Variants in DHRS3 observed in about 807,000 individuals in gnomAD.
DHRS3 encodes short-chain dehydrogenase/reductase 3.
DHRS3 carries 14 observed loss-of-function variants against 27.2 expected under a neutral mutation model. That is an observed-to-expected ratio of 0.52 (90% CI 0.34 to 0.81). The LOEUF (loss-of-function observed/expected upper bound fraction) is 0.81, where lower values mean the gene tolerates loss of function less well. DHRS3 is among the 30% of genes least tolerant of loss of function. DHRS3 has a pLI of 0.01. For missense variants in DHRS3, 322 were observed against 406.2 expected (o/e 0.79, Z 1.78); for synonymous variants, 165 against 175.9 (o/e 0.94, Z 0.49).
chr1:12,595,303 T>A (rs1646784171), intron 1 of DHRS3, among the ~76,000 whole-genome samples: 1 of 151,936 alleles, frequency 6.6e-6, no homozygotes, highest in African/African-American at 2.4e-5. Flanking sequence ...CTGGCTCACA[T>A]GATGGCGTGA....
intron 1 of DHRS3, among the ~76,000 whole-genome samples, chr1:12,596,673 T>C (rs541177472): frequency 2.0e-5 from 3 of 152,150 alleles, no homozygotes; most frequent in Non-Finnish European, 4.4e-5. Flanking sequence ...TGGAGTTGAT[T>C]TGCTGTGTGA....
chr1:12,575,148 G>A (rs1250294255), intron 4 of DHRS3, among the ~76,000 whole-genome samples: 9 of 152,012 alleles, frequency 5.9e-5, no homozygotes, highest in Non-Finnish European at 8.8e-5. Context: ...GCAACACGGC[G>A]AAACACTGTC....
Position 12,591,137 on chromosome 1 carries a change from T to G in DHRS3, c.196-10471A>C, listed in dbSNP as rs1379631279. Among the ~76,000 whole-genome samples the G allele has an allele frequency of 6.6e-6, 1 of 152,232 alleles. No homozygotes were observed. The highest frequency in any genetic ancestry group is 6.5e-5 in the Admixed American group (1 of 15,290). ...CTTCCATCAGCAAGGGGGATCTATA[T>G]CTGTTGCTGTACTAATAAAAATAGT... On this transcript the variant is annotated intron_variant, in intron 1 of 5. Coordinates refer to ENST00000616661, the MANE Select transcript of DHRS3 (RefSeq NM_004753.7). The surrounding 1 kb of genome is among the most constrained non-coding windows in gnomAD (Gnocchi z 4.1).
chr1:12,587,508 T>C (rs1410355681), intron 1 of DHRS3, among the ~76,000 whole-genome samples: 1 of 152,116 alleles, frequency 6.6e-6, no homozygotes, highest in Admixed American at 6.5e-5. Context: ...CGTTTGCTTC[T>C]TTATATTTGT....
At chr1:12,598,208 T>C (rs1208786036) in intron 1 of DHRS3, among the ~76,000 whole-genome samples, 2 of 151,998 alleles carry the variant, frequency 1.3e-5, no homozygotes, top group Non-Finnish European at 2.9e-5. Context: ...GGCAACATGG[T>C]GAAAGCCTGT....
At chr1:12,603,614 G>A (rs555994447) in intron 1 of DHRS3, among the ~76,000 whole-genome samples, 144 of 152,246 alleles carry the variant, frequency 9.5e-4, no homozygotes, top group African/African-American at 3.2e-3. Flanking sequence ...TGGGGACCGC[G>A]GGGCTTGGAG....
chr1:12,568,885 C>T (rs553103544), intron 5 of DHRS3, among the ~76,000 whole-genome samples: 1 of 152,212 alleles, frequency 6.6e-6, no homozygotes, highest in East Asian at 1.9e-4. Flanking sequence ...TGAGATTGTA[C>T]CGCTGCATTC....
At position 12,591,758 on chromosome 1, in the gene DHRS3, C is replaced by T. The variant is rs1055362944; in HGVS notation, c.196-11092G>A. Reference sequence around the variant, plus strand: ...GGACCTCAACTTATGCAATCTGTGCCCTTGGCCACTGACTTTACCTGCGGG... The same window carrying T: ...GGACCTCAACTTATGCAATCTGTGCTCTTGGCCACTGACTTTACCTGCGGG... On this transcript the variant is annotated intron_variant, in intron 1 of 5. Coordinates refer to ENST00000616661, the MANE Select transcript of DHRS3 (RefSeq NM_004753.7). This position sits in a 1 kb window ranked among gnomAD's most constrained non-coding sequence, Gnocchi z 4.1. Among the ~76,000 whole-genome samples the T allele has an allele frequency of 6.6e-6, 1 of 152,200 alleles. No homozygotes were observed. Among genetic ancestry groups the T allele is most frequent in the Non-Finnish European group, 1.5e-5 (1 of 68,044 alleles).
At chr1:12,600,289 G>T in intron 1 of DHRS3, 1 of 947,116 alleles carries the variant, frequency 1.1e-6, no homozygotes, top group Non-Finnish European at 1.3e-6. Flanking sequence ...TATCCCCAAA[G>T]CCAAGGCATG....
chr1:12,589,694 C>T (rs1646729171), intron 1 of DHRS3, among the ~76,000 whole-genome samples: 1 of 152,132 alleles, frequency 6.6e-6, no homozygotes, highest in African/African-American at 2.4e-5. Flanking sequence ...CAATAAATGC[C>T]AGCTGTGGGC....
chr1:12,571,697 AT>A (rs941306473), intron 5 of DHRS3, among the ~76,000 whole-genome samples: 1 of 151,110 alleles, frequency 6.6e-6, no homozygotes, highest in Non-Finnish European at 1.5e-5. Context: ...CACCCAGCTA[AT>A]TTTTTTTGTA....
At position 12,578,556 on chromosome 1, in the gene DHRS3, C is replaced by T. The variant is rs756968419; in HGVS notation, c.698+162G>A. Among the ~76,000 whole-genome samples the T allele has an allele frequency of 3.3e-4, 50 of 152,312 alleles. No homozygotes were observed. Among genetic ancestry groups the T allele is most frequent in the Middle Eastern group, 3.4e-3 (1 of 294 alleles). The stretch of plus-strand genomic sequence containing the variant: ...CTCAAACTGGATTGCTGGGCTCAAG[C>T]GATCCACCTGCCTTGGCTTCCCAAA... On this transcript the variant is annotated intron_variant, in intron 4 of 5. Transcript: ENST00000616661. This position sits in a 1 kb window ranked among gnomAD's most constrained non-coding sequence, Gnocchi z 4.5.
intron 1 of DHRS3, 43 bp downstream of exon 1, chr1:12,617,105 ACCCCCG>A: frequency 6.4e-7 from 1 of 1,563,006 alleles, no homozygotes; most frequent in South Asian, 1.2e-5. Flanking sequence ...AGGTGGGCTT[ACCCCCG>A]CCCCTGCGGC....
At chr1:12,579,447 C>A (rs1484215496) in intron 2 of DHRS3, 35 bp from the exon 3 acceptor site, 1 of 1,609,972 alleles carries the variant, frequency 6.2e-7, no homozygotes, top group South Asian at 1.1e-5. Context: ...GCCATGAGGG[C>A]AGCCAGCCCA....
In DHRS3 at chr1:12,573,871, T is replaced by C. The variant is rs552246063; in HGVS notation, c.699-1018A>G. ...ATAAGGAAACCGAGGCTGTATTGAG[T>C]CAGTAGGGCGCTAAGGATTCAAACC... On this transcript the variant is annotated intron_variant, in intron 4 of 5. Transcript: ENST00000616661. Among the ~76,000 whole-genome samples the C allele has an allele frequency of 2.0e-5, 3 of 152,272 alleles. No individual in the cohort carries two copies. In the South Asian group the frequency reaches 6.2e-4, roughly 32 times the overall value.
intron 1 of DHRS3, among the ~76,000 whole-genome samples, chr1:12,597,235 C>T (rs1181744765): frequency 6.6e-6 from 1 of 152,192 alleles, no homozygotes; most frequent in East Asian, 1.9e-4. Context: ...CACCACCGCA[C>T]CTGGCTAATT....
At chr1:12,589,138 T>G (rs920270560) in intron 1 of DHRS3, among the ~76,000 whole-genome samples, 5 of 152,124 alleles carry the variant, frequency 3.3e-5, no homozygotes, top group African/African-American at 4.8e-5. Flanking sequence ...TTTAAGACAT[T>G]AAGGTTAGAA....
At position 12,594,201 on chromosome 1, in the gene DHRS3, T is replaced by G. The variant is rs1457422392; in HGVS notation, c.196-13535A>C. On this transcript the variant is annotated intron_variant, in intron 1 of 5. Transcript: ENST00000616661. This position sits in a 1 kb window ranked among gnomAD's most constrained non-coding sequence, Gnocchi z 4.1. ...AAATTTGGACAGTCTAAGTAACTCA[T>G]GCAGGCTGCACTACTAGAAGTTTCA... Among the ~76,000 whole-genome samples the G allele has an allele frequency of 6.6e-6, 1 of 152,214 alleles. No individual in the cohort carries two copies. The highest frequency in any genetic ancestry group is 1.5e-5 in the Non-Finnish European group (1 of 68,034).
rs572943947 is a variant in DHRS3, at chr1:12,579,971, C to G, written c.339+552G>C. Reference sequence around the variant, plus strand: ...AGCCACCTGGCCGTACCACCAGCAGCCACAGGGCCTGGGGAAGAGAACTGC... The same window carrying G: ...AGCCACCTGGCCGTACCACCAGCAGGCACAGGGCCTGGGGAAGAGAACTGC... On this transcript the variant is annotated intron_variant, in intron 2 of 5. Transcript: ENST00000616661. The G allele has an allele frequency of 1.3e-3, 249 of 186,162 alleles. 1 individual carries two copies. The highest frequency in any genetic ancestry group is 5.6e-3 in the African/African-American group (235 of 42,316). The allele number at this position is 186,162 out of a possible 1,614,324, so 11.5% of individuals were successfully genotyped here. A position where few individuals can be genotyped will look rare whatever the true frequency, so the allele number is the denominator to read the frequency against.
Sources: gnomAD v4.1 joint callset for allele counts (sites outside exome capture counted in the v4.1 genomes callset) on GRCh38, gnomAD v4.1.1 for gene constraint, Gnocchi (gnomAD v3.1) non-coding constraint, MANE v1.5 for transcripts, NCBI Gene and HGNC (gene_info 2026-07-23, HGNC 2026-07-21) for gene names.